The following PGPEP1L variants were observed in gnomAD, a reference collection of about 807,000 sequenced individuals.
PGPEP1L encodes the protein pyroglutamyl-peptidase 1-like protein.
PGPEP1L carries 7 observed loss-of-function variants against 6.0 expected under a neutral mutation model. The observed-to-expected ratio is 1.17, with a 90% confidence interval of 0.66 to 2.19. PGPEP1L has a LOEUF of 2.19. Among genes scored for constraint, PGPEP1L ranks in the 30% most tolerant of loss-of-function variants. The pLI is 0.00. For missense variants in PGPEP1L, 209 were observed against 192.5 expected (o/e 1.09, Z -0.51); for synonymous variants, 103 against 83.9 (o/e 1.23, Z -1.24).
intron 2 of PGPEP1L, among the ~76,000 whole-genome samples, chr15:98,995,496 G>C (rs561303576): frequency 2.0e-5 from 3 of 152,124 alleles, no homozygotes; most frequent in Non-Finnish European, 4.4e-5. Context: ...TCAGGAGTTC[G>C]AGACCAGCCT....
chr15:99,007,040 G>A (rs755318607), intron 1 of PGPEP1L, among the ~76,000 whole-genome samples: 45 of 152,072 alleles, frequency 3.0e-4, no homozygotes, highest in Non-Finnish European at 5.3e-4. Context: ...CCTTTTAATT[G>A]GGATCACCCC....
chr15:98,978,722 A>ATTT (rs1567236364), intron 2 of PGPEP1L, among the ~76,000 whole-genome samples: 2 of 42,238 alleles, frequency 4.7e-5, no homozygotes, highest in African/African-American at 1.3e-4. Flanking sequence ...ATATATATAT[A>ATTT]TATATTTTTT....
Position 98,978,886 on chromosome 15 carries a change from CGCCCA to C in PGPEP1L, c.-141-7733_-141-7729del, listed in dbSNP as rs2017613150. ...CTGGGACTACAGGCACGCGCCATCA[CGCCCA>C]GTTAATTTTTGTGTTTTTAGTAGAG... On this transcript the variant is annotated intron_variant, in intron 2 of 4. Coordinates refer to ENST00000535714, the MANE Select transcript of PGPEP1L (RefSeq NM_001167902.2). Among the ~76,000 whole-genome samples, 10 of 151,356 alleles carry C rather than the reference CGCCCA, an allele frequency of 6.6e-5. No individual in the cohort carries two copies. In the South Asian group the frequency reaches 1.9e-3, roughly 28 times the overall value.
intron 2 of PGPEP1L, among the ~76,000 whole-genome samples, chr15:98,981,416 G>A (rs1411934099): frequency 6.6e-6 from 1 of 151,346 alleles, no homozygotes; most frequent in Non-Finnish European, 1.5e-5. Flanking sequence ...CGTGAACCCG[G>A]GAGGCAGAGC....
chr15:98,999,555 G>T (rs1462488161), intron 2 of PGPEP1L, among the ~76,000 whole-genome samples: 2 of 152,158 alleles, frequency 1.3e-5, no homozygotes, highest in African/African-American at 4.8e-5. Flanking sequence ...GGATTTACTA[G>T]CATTTGCACT....
chr15:98,981,777 C>G (rs2017667424), intron 2 of PGPEP1L, among the ~76,000 whole-genome samples: 2 of 152,170 alleles, frequency 1.3e-5, no homozygotes, highest in African/African-American at 4.8e-5. Flanking sequence ...AATATATATT[C>G]TGTGCTATCT....
intron 2 of PGPEP1L, among the ~76,000 whole-genome samples, chr15:98,995,470 G>GATCACCAA (rs1555472424): frequency 6.6e-6 from 1 of 152,194 alleles, no homozygotes; most frequent in Non-Finnish European, 1.5e-5. Context: ...GGCCAAGGTG[G>GATCACCAA]GCAGATCACC....
At chr15:98,974,419 C>T (rs1342826979) in intron 2 of PGPEP1L, among the ~76,000 whole-genome samples, 3 of 151,974 alleles carry the variant, frequency 2.0e-5, no homozygotes, top group Admixed American at 2.0e-4. Flanking sequence ...TTTCTGGACA[C>T]ATACAACCTA....
chr15:98,969,710 A>ACGAGCTGTGTG, intron 3 of PGPEP1L, 59 bp from the exon 4 acceptor site: 1 of 1,553,242 alleles, frequency 6.4e-7, no homozygotes, highest in Non-Finnish European at 8.8e-7. Context: ...CCTGCTCACC[A>ACGAGCTGTGTG]AATGTGCAGA....
At chr15:98,977,116 G>T (rs1486267075) in intron 2 of PGPEP1L, among the ~76,000 whole-genome samples, 1 of 151,480 alleles carries the variant, frequency 6.6e-6, no homozygotes, top group African/African-American at 2.4e-5. Context: ...TAATAGAAAT[G>T]GTCTTTTATT....
intron 2 of PGPEP1L, among the ~76,000 whole-genome samples, chr15:98,996,521 GGTAT>G (rs1555472499): frequency 8.4e-5 from 1 of 11,946 alleles, no homozygotes; most frequent in East Asian, 1.5e-3. Flanking sequence ...TGTATATAGG[GGTAT>G]GTGTGTGTGT....
At chr15:98,987,929 A>ACC (rs2017770486) in intron 2 of PGPEP1L, among the ~76,000 whole-genome samples, 1 of 152,122 alleles carries the variant, frequency 6.6e-6, no homozygotes, top group Admixed American at 6.5e-5. Flanking sequence ...GAGAGACTGT[A>ACC]CTAGGAGGAA....
chr15:98,998,819 T>C (rs2017921340), intron 2 of PGPEP1L, among the ~76,000 whole-genome samples: 1 of 151,984 alleles, frequency 6.6e-6, no homozygotes, highest in Non-Finnish European at 1.5e-5. Flanking sequence ...CTCTACTAAA[T>C]ATACAAAAAT....
chr15:98,974,761 T>C (rs1354402628), intron 2 of PGPEP1L, among the ~76,000 whole-genome samples: 1 of 152,132 alleles, frequency 6.6e-6, no homozygotes, highest in East Asian at 1.9e-4. Flanking sequence ...GCTGGCGTCA[T>C]GGCACACATC....
chr15:98,983,138 A>G (rs903182524), intron 2 of PGPEP1L, among the ~76,000 whole-genome samples: 1 of 141,984 alleles, frequency 7.0e-6, no homozygotes, highest in Non-Finnish European at 1.5e-5. Context: ...ATTTGGTGGG[A>G]AGAATAAAGG....
rs367957355 is a variant in PGPEP1L, at chr15:98,969,438, G to A, written c.196C>T (p.Arg66Ter). ...AVEGVDVIFS[R>*]DAGRYVCDYT... is the part of the protein sequence containing the mutation. ...CACAGAGCATACCTGCCTGCATCTC[G>A]GGAAAAGATCACGTCGACACCCTCC... The change falls in exon 4 of 5, where the codon CGA (arginine) becomes TGA (stop). Residue 66 changes from arginine to a stop codon, truncating the protein, a stop_gained. Transcript: ENST00000535714. LOFTEE classifies it low-confidence loss of function (END_TRUNC). 4.0e-5 allele frequency: 64 copies of A among 1,613,974 alleles called. 1 individual carries two copies. Among genetic ancestry groups the A allele is most frequent in the African/African-American group, 3.3e-4 (25 of 75,054 alleles).
At chr15:98,983,493 GGT>G (rs1232159944) in intron 2 of PGPEP1L, among the ~76,000 whole-genome samples, 2 of 152,092 alleles carry the variant, frequency 1.3e-5, no homozygotes, top group East Asian at 3.8e-4. Context: ...ACTGACCCTG[GGT>G]GTGTTTTCAA....
At chr15:99,000,161 C>T (rs554226042) in intron 2 of PGPEP1L, among the ~76,000 whole-genome samples, 2 of 152,244 alleles carry the variant, frequency 1.3e-5, no homozygotes, top group Admixed American at 1.3e-4. Context: ...CCAGCCCCGC[C>T]GGCCCCAGGC....
chr15:98,978,700 G>C (rs948115777), intron 2 of PGPEP1L, among the ~76,000 whole-genome samples: 3 of 139,604 alleles, frequency 2.1e-5, no homozygotes, highest in Non-Finnish European at 4.5e-5. Context: ...TCTAGCATTA[G>C]ACTGTGTATA....
Sources: allele counts gnomAD v4.1 joint callset (sites outside exome capture counted in the v4.1 genomes callset), GRCh38; gene constraint gnomAD v4.1.1; transcripts MANE v1.5; gene names NCBI Gene and HGNC (gene_info 2026-07-23, HGNC 2026-07-21).